ZNF283: variants seen among roughly 807,000 people sequenced by gnomAD.
The protein encoded by ZNF283 is zinc finger protein 283.
ZNF283 carries 10 observed loss-of-function variants against 9.2 expected under a neutral mutation model. The ratio of observed to expected loss-of-function variants is 1.09; its 90% CI spans 0.67 to 1.85. The LOEUF is 1.85. Among genes scored for constraint, ZNF283 ranks in the 40% most tolerant of loss-of-function variants. The pLI is 0.00. For missense variants in ZNF283, 631 were observed against 760.1 expected, an observed-to-expected ratio of 0.83 and a Z score of 2.00; for synonymous variants, 234 against 244.1, an observed-to-expected ratio of 0.96 and a Z score of 0.38.
chr19:43,847,942 T>A lies in ZNF283; in HGVS notation c.1341T>A (p.Ser447=), dbSNP rs769232413. The change falls in exon 7 of 7, where the codon TCT becomes TCA. Residue 447 remains serine (S), a synonymous_variant. Coordinates refer to ENST00000618787, the MANE Select transcript of ZNF283 (RefSeq NM_181845.2). ...CCTTTAGTCGTGGCTATCACCTTTC[T>A]CAACATCAGAAAATCCATACTGGTG... ...GKAFSRGYHL[S]QHQKIHTGEK... 6.2e-7 allele frequency: 1 copy of A among 1,613,432 alleles called. No homozygotes were observed.
chr19:43,828,446 G>T (rs1363355103), intron 2 of ZNF283, among the ~76,000 whole-genome samples, 165 bp downstream of exon 2: 1 of 151,978 alleles, frequency 6.6e-6, no homozygotes, highest in Non-Finnish European at 1.5e-5. Context: ...GCCCCCTATT[G>T]TTCTTCTCCA....
intron 6 of ZNF283, among the ~76,000 whole-genome samples, chr19:43,838,789 T>C (rs1228404172): frequency 6.6e-6 from 1 of 152,252 alleles, no homozygotes; most frequent in African/African-American, 2.4e-5. Context: ...TTTCATGATA[T>C]GGCTTTTTGG....
chr19:43,843,038 A>G (rs2146570220), intron 6 of ZNF283, among the ~76,000 whole-genome samples: 1 of 152,290 alleles, frequency 6.6e-6, no homozygotes, highest in East Asian at 1.9e-4. Flanking sequence ...CCACTTGTAC[A>G]GTTGTTTAAG....
rs547237855 is a variant in ZNF283, at chr19:43,851,741, T to G, written c.*3100T>G. 2 of 152,108 alleles carry G rather than the reference T, an allele frequency of 1.3e-5. No individual in the cohort carries two copies. The highest frequency in any genetic ancestry group is 2.9e-5 in the Non-Finnish European group (2 of 68,026). The allele number at this position is 152,108 out of a possible 1,614,324, so 9.4% of individuals were successfully genotyped here. ...CAAAAAAATAAAAATAAAAAAAGAC[T>G]AAGGAGTATTCTAGTGAAGAAAATG... On this transcript the variant is annotated 3_prime_UTR_variant, in exon 7 of 7. Transcript: ENST00000618787.
At chr19:43,837,737 C>G (rs1173567603) in intron 6 of ZNF283, 1 of 152,444 alleles carries the variant, frequency 6.6e-6, no homozygotes, top group African/African-American at 2.4e-5. Flanking sequence ...TTAGGTAAGA[C>G]AGTCGGGGAA....
chr19:43,831,279 A>G (rs1970697228), intron 2 of ZNF283, 39 bp from the exon 3 acceptor site: 1 of 1,442,400 alleles, frequency 6.9e-7, no homozygotes, highest in Non-Finnish European at 9.5e-7. Flanking sequence ...TCTTCCTCAG[A>G]CTTTGAAGGT....
chr19:43,830,405 C>T lies in ZNF283; in HGVS notation c.-64-913C>T, dbSNP rs189517824. On this transcript the variant is annotated intron_variant, in intron 2 of 6. Coordinates refer to ENST00000618787, the MANE Select transcript of ZNF283 (RefSeq NM_181845.2). Reference sequence around the variant, plus strand: ...ACGACAGGAAGTCTTAACCTGAGGTCTTCTTGTTCCATTGACGAGCTTCCA... The same window carrying T: ...ACGACAGGAAGTCTTAACCTGAGGTTTTCTTGTTCCATTGACGAGCTTCCA... Among the ~76,000 whole-genome samples, 328 of 152,240 alleles carry T rather than the reference C, an allele frequency of 2.2e-3. 4 individuals are homozygous for T. Among genetic ancestry groups the T allele is most frequent in the African/African-American group, 7.4e-3 (307 of 41,536 alleles).
At chr19:43,833,433 T>A (rs1026988675) in intron 3 of ZNF283, 72 bp from the exon 4 acceptor site, 2 of 210,412 alleles carry the variant, frequency 9.5e-6, no homozygotes, top group Non-Finnish European at 2.0e-5. Flanking sequence ...TATTTTTGGT[T>A]GAGTACCCTT....
At chr19:43,838,548 G>C (rs1379285003) in intron 6 of ZNF283, among the ~76,000 whole-genome samples, 1 of 152,156 alleles carries the variant, frequency 6.6e-6, no homozygotes, top group Non-Finnish European at 1.5e-5. Flanking sequence ...TGGATTGCTT[G>C]AACCTAAGAG....
At chr19:43,832,604 C>A (rs1273894221) in intron 3 of ZNF283, among the ~76,000 whole-genome samples, 5 of 152,160 alleles carry the variant, frequency 3.3e-5, no homozygotes. Flanking sequence ...TTTGAGTTCA[C>A]GTTATAAGAA....
At chr19:43,829,480 C>A (rs1326313498) in intron 2 of ZNF283, among the ~76,000 whole-genome samples, 1 of 152,142 alleles carries the variant, frequency 6.6e-6, no homozygotes, top group African/African-American at 2.4e-5. Context: ...TGTGCTTAGA[C>A]AATTGATTCA....
chr19:43,844,545 A>C (rs1378666850), intron 6 of ZNF283, among the ~76,000 whole-genome samples: 1 of 152,210 alleles, frequency 6.6e-6, no homozygotes, highest in Non-Finnish European at 1.5e-5. Context: ...TATCCACAGA[A>C]TCTTTACACC....
rs576537413 is a variant in ZNF283 at position 43,850,711 on chromosome 19, G to C, written c.*2070G>C. On this transcript the variant is annotated 3_prime_UTR_variant, in exon 7 of 7. Transcript: ENST00000618787. Reference sequence around the variant, plus strand: ...CAAAGTGTTGGGATTACAGGTGTGAGACACTGCGCCTGGCTATATTTTACT... The same window carrying C: ...CAAAGTGTTGGGATTACAGGTGTGACACACTGCGCCTGGCTATATTTTACT... 1 of 152,170 alleles carries C rather than the reference G, an allele frequency of 6.6e-6. No homozygotes were observed. The highest frequency in any genetic ancestry group is 1.5e-5 in the Non-Finnish European group (1 of 68,046). The allele number at this position is 152,170 out of a possible 1,614,324, so 9.4% of individuals were successfully genotyped here. A position where few individuals can be genotyped will look rare whatever the true frequency, so the allele number is the denominator to read the frequency against.
intron 4 of ZNF283, among the ~76,000 whole-genome samples, chr19:43,834,278 A>G (rs1407064913): frequency 1.3e-5 from 2 of 152,130 alleles, no homozygotes; most frequent in African/African-American, 2.4e-5. Context: ...AAAAAAATAA[A>G]TAAAACCTCC....
At chr19:43,837,425 G>A (rs1312752376) in intron 6 of ZNF283, 1 of 418,188 alleles carries the variant, frequency 2.4e-6, no homozygotes, top group East Asian at 3.5e-5. Flanking sequence ...TAATGGCCAA[G>A]GGGCTGGATT....
intron 5 of ZNF283, among the ~76,000 whole-genome samples, chr19:43,836,543 G>A (rs1215671177): frequency 2.0e-5 from 3 of 152,164 alleles, no homozygotes; most frequent in Non-Finnish European, 4.4e-5. Flanking sequence ...GGTTTCACAT[G>A]TTGGCCAGGC....
Position 43,843,296 on chromosome 19 carries a change from G to A in ZNF283, c.338-3643G>A, listed in dbSNP as rs349043. ...GCGGAGGTTGCAGTGAGCCAAGATCGTGCCACTGCATTCCAGCCTGGTGAC... is the reference window on the plus strand; with the variant it reads ...GCGGAGGTTGCAGTGAGCCAAGATCATGCCACTGCATTCCAGCCTGGTGAC... On this transcript the variant is annotated intron_variant, in intron 6 of 6. Transcript: ENST00000618787. Among the ~76,000 whole-genome samples, 350 of 152,240 alleles carry A rather than the reference G, an allele frequency of 2.3e-3. 1 individual carries two copies. The highest frequency in any genetic ancestry group is 7.9e-3 in the African/African-American group (330 of 41,538).
intron 3 of ZNF283, among the ~76,000 whole-genome samples, chr19:43,831,607 C>A (rs1239686324): frequency 6.6e-6 from 1 of 151,404 alleles, no homozygotes; most frequent in East Asian, 1.9e-4. Flanking sequence ...TAGAGTTAAT[C>A]ATTTTTAATG....
At position 43,847,233 on chromosome 19, in the gene ZNF283, A is replaced by G; in HGVS notation, c.632A>G (p.Glu211Gly). The G allele has an allele frequency of 6.2e-7, 1 of 1,613,936 alleles. No homozygotes were observed. Among genetic ancestry groups the G allele is most frequent in the Non-Finnish European group, 8.5e-7 (1 of 1,179,824 alleles). Residue 211 changes from glutamate to glycine, a missense_variant, in exon 7 of 7, where the codon GAA (glutamate) becomes GGA (glycine). Around this residue, in one of 3 missense-constraint regions of ZNF283, gnomAD observed 184 missense variants for 220.0 expected, o/e 0.84. Coordinates refer to ENST00000618787, the MANE Select transcript of ZNF283 (RefSeq NM_181845.2). ...HNTEKSYVCKECGKACSHGSK... is the reference protein window; with the variant it reads ...HNTEKSYVCKGCGKACSHGSK... ...ACAGAGAAATCCTATGTTTGTAAGGAATGTGGGAAGGCTTGCAGTCATGGC... is the reference window on the plus strand; with the variant it reads ...ACAGAGAAATCCTATGTTTGTAAGGGATGTGGGAAGGCTTGCAGTCATGGC...
Sources: allele counts gnomAD v4.1 joint callset (sites outside exome capture counted in the v4.1 genomes callset), GRCh38; gene constraint gnomAD v4.1.1; regional missense constraint gnomAD v4.1.1; transcripts MANE v1.5; gene names NCBI Gene and HGNC (gene_info 2026-07-23, HGNC 2026-07-21).